NARF: variants seen among roughly 807,000 people sequenced by gnomAD.
NARF encodes nuclear prelamin A recognition factor, also known as iron-only hydrogenase-like protein 2.
In NARF, 41 loss-of-function variants were observed where a neutral mutation model predicts 48.0. The ratio of observed to expected loss-of-function variants is 0.85; its 90% CI spans 0.66 to 1.11. The LOEUF (loss-of-function observed/expected upper bound fraction) is 1.11. Among genes scored for constraint, NARF ranks in the 50% least tolerant of loss-of-function variants. The pLI is 0.00. For synonymous variants in NARF, 215 were observed against 225.5 expected, an observed-to-expected ratio of 0.95 and a Z score of 0.42; for missense variants, 613 against 590.2, an observed-to-expected ratio of 1.04 and a Z score of -0.40.
intron 5 of NARF, among the ~76,000 whole-genome samples, chr17:82,478,306 TGAG>T (rs2043880118): frequency 6.6e-6 from 1 of 152,292 alleles, no homozygotes; most frequent in East Asian, 1.9e-4. Flanking sequence ...TATTACGACT[TGAG>T]GAGTATAGAT....
chr17:82,465,795 T>G (rs1320666819), intron 3 of NARF, among the ~76,000 whole-genome samples: 1 of 152,164 alleles, frequency 6.6e-6, no homozygotes, highest in South Asian at 2.1e-4. Flanking sequence ...TGAACTCCTG[T>G]GCTCAAGCGA....
chr17:82,464,789 C>T (rs1041168772), intron 3 of NARF, among the ~76,000 whole-genome samples: 3 of 152,176 alleles, frequency 2.0e-5, no homozygotes, highest in Non-Finnish European at 2.9e-5. Flanking sequence ...TGCACGTTTT[C>T]GGACACGAGA....
intron 8 of NARF, 129 bp downstream of exon 8, chr17:82,483,908 C>CA: frequency 7.7e-6 from 6 of 778,114 alleles, no homozygotes; most frequent in Non-Finnish European, 1.0e-5. Context: ...TGCAGTCCCC[C>CA]AGGCCCCTGC....
In NARF at chr17:82,464,525, A is replaced by G. The variant is rs1798488189; in HGVS notation, c.252+95A>G. 6.3e-6 allele frequency: 9 copies of G among 1,432,560 alleles called. No homozygotes were observed. In the Admixed American group the frequency reaches 9.7e-5, roughly 15 times the overall value. 88.7% of individuals were successfully genotyped at this position (1,432,560 alleles called of 1,614,324 possible). A position where few individuals can be genotyped will look rare whatever the true frequency, so the allele number is the denominator to read the frequency against. ...CCTGCACAGAAGCCTCTGCTGGGACATCGGATGCACATCTCAGCCTTTTCC... is the reference window on the plus strand; with the variant it reads ...CCTGCACAGAAGCCTCTGCTGGGACGTCGGATGCACATCTCAGCCTTTTCC... On this transcript the variant is annotated intron_variant, in intron 3 of 10. Transcript: ENST00000309794.
intron 4 of NARF, among the ~76,000 whole-genome samples, chr17:82,471,768 C>T (rs11870617): frequency 3.1e-5 from 4 of 127,936 alleles, no homozygotes; most frequent in African/African-American, 1.2e-4. Context: ...GTCCAGCTTG[C>T]GCGAAAGAGT....
At chr17:82,473,501 A>G (rs1246095889) in intron 5 of NARF, among the ~76,000 whole-genome samples, 3 of 151,784 alleles carry the variant, frequency 2.0e-5, no homozygotes, top group Non-Finnish European at 2.9e-5. Context: ...GGCGCCTGCC[A>G]CCACACCCGG....
At chr17:82,461,077 G>C (rs1249878548) in intron 2 of NARF, 1 of 151,900 alleles carries the variant, frequency 6.6e-6, no homozygotes, top group Non-Finnish European at 1.5e-5. Context: ...ACCATGCTCA[G>C]CTAATTTATT....
intron 3 of NARF, among the ~76,000 whole-genome samples, chr17:82,466,493 C>A (rs1301884310): frequency 6.6e-6 from 1 of 152,140 alleles, no homozygotes; most frequent in African/African-American, 2.4e-5. Flanking sequence ...CTCACTGTCT[C>A]TCAGGCTGGG....
intron 4 of NARF, 51 bp downstream of exon 4, chr17:82,468,947 C>A: frequency 6.3e-7 from 1 of 1,599,190 alleles, no homozygotes; most frequent in Non-Finnish European, 8.5e-7. Flanking sequence ...TTTATAAGCG[C>A]CCTTTTTAAT....
At chr17:82,472,498 A>G in intron 4 of NARF, 66 bp from the exon 5 acceptor site, 1 of 1,480,332 alleles carries the variant, frequency 6.8e-7, no homozygotes, top group Admixed American at 2.3e-5. Flanking sequence ...AAAAAAAAAA[A>G]GAGGAAGCCT....
At chr17:82,485,040 T>G in intron 9 of NARF, 90 bp downstream of exon 9, 1 of 1,435,436 alleles carries the variant, frequency 7.0e-7, no homozygotes, top group Non-Finnish European at 9.2e-7. Flanking sequence ...GGCGGTTCTA[T>G]GGATGGAGTT....
intron 5 of NARF, 104 bp downstream of exon 5, chr17:82,472,802 C>G: frequency 7.2e-7 from 1 of 1,392,072 alleles, no homozygotes; most frequent in Non-Finnish European, 9.5e-7. Flanking sequence ...CCCATCCCAC[C>G]CAGCCTTGTA....
Position 82,478,720 on chromosome 17 carries a change from G to T in NARF, c.521-80G>T. On this transcript the variant is annotated intron_variant, in intron 5 of 10. Coordinates refer to ENST00000309794, the MANE Select transcript of NARF (RefSeq NM_012336.4). The stretch of plus-strand genomic sequence containing the variant: ...CTTCACCCTGGGGCGGCAGGGACTC[G>T]AGCTCAGCATTCCCTGGTGCGTTAC... 5.0e-6 allele frequency: 7 copies of T among 1,394,412 alleles called. No individual in the cohort carries two copies. The South Asian group carries it at 8.1e-5, about 16-fold the overall frequency. 86.4% of individuals were successfully genotyped at this position (1,394,412 alleles called of 1,614,324 possible).
intron 3 of NARF, 86 bp downstream of exon 3, chr17:82,464,516 T>G (rs2043514914): frequency 6.8e-7 from 1 of 1,466,938 alleles, no homozygotes; most frequent in South Asian, 1.3e-5. Context: ...CAGAAGCCTC[T>G]GCTGGGACAT....
In NARF at chr17:82,488,071, A is replaced by T; in HGVS notation, c.1285A>T (p.Ile429Phe). ...QELYQEWLEGINSPKAREVLH... is the reference protein window; with the variant it reads ...QELYQEWLEGFNSPKAREVLH... ...GCTGTACCAGGAGTGGCTGGAGGGG[A>T]TCAACTCCCCCAAGGCCCGAGAGGT... Residue 429 changes from isoleucine (I) to phenylalanine (F), a missense_variant, in exon 11 of 11, where the codon ATC (isoleucine) becomes TTC (phenylalanine). By Grantham distance (21) the Ile-to-Phe change is conservative (BLOSUM62 0). Transcript: ENST00000309794. The T allele has an allele frequency of 6.2e-7, 1 of 1,611,560 alleles. No individual in the cohort carries two copies. Among genetic ancestry groups the T allele is most frequent in the Non-Finnish European group, 8.5e-7 (1 of 1,179,282 alleles).
At chr17:82,478,595 T>C (rs1185711389) in intron 5 of NARF, 2 of 657,944 alleles carry the variant, frequency 3.0e-6, no homozygotes, top group Admixed American at 2.1e-5. Context: ...CCCAGTAGCC[T>C]CCAGGCCTGC....
At chr17:82,474,167 T>G (rs1448616487) in intron 5 of NARF, among the ~76,000 whole-genome samples, 1 of 152,176 alleles carries the variant, frequency 6.6e-6, no homozygotes, top group Non-Finnish European at 1.5e-5. Flanking sequence ...GGCGAAAGAC[T>G]GAGGTCCTGT....
chr17:82,481,120 C>T lies in NARF; in HGVS notation c.678C>T (p.Ala226=), dbSNP rs1316651122. 5.6e-6 allele frequency: 9 copies of T among 1,613,948 alleles called. No individual in the cohort carries two copies. The highest frequency in any genetic ancestry group is 5.9e-6 in the Non-Finnish European group (7 of 1,180,016). ...AGAAGATTTTCCACGTCATTGTGGC[C>T]CCTTGTTATGACAAGAAGCTGGAGG... ...SPEKIFHVIV[A]PCYDKKLEAL... Residue 226 remains alanine, a synonymous_variant, in exon 7 of 11, where the codon GCC becomes GCT. Coordinates refer to ENST00000309794, the MANE Select transcript of NARF (RefSeq NM_012336.4).
At position 82,481,147 on chromosome 17, in the gene NARF, T is replaced by C; in HGVS notation, c.705T>C (p.Ala235=). ...VAPCYDKKLE[A]LQESLPPALH... ...CTTGTTATGACAAGAAGCTGGAGGCTCTTCAGGAAAGCCTTCCCCCTGCTT... is the reference window on the plus strand; with the variant it reads ...CTTGTTATGACAAGAAGCTGGAGGCCCTTCAGGAAAGCCTTCCCCCTGCTT... Residue 235 remains alanine (A), a synonymous_variant, in exon 7 of 11, where the codon GCT becomes GCC. Transcript: ENST00000309794. 1 of 1,614,016 alleles carries C rather than the reference T, an allele frequency of 6.2e-7. No homozygotes were observed. Among genetic ancestry groups the C allele is most frequent in the African/African-American group, 1.3e-5 (1 of 74,998 alleles).
Sources: gnomAD v4.1 joint callset for allele counts (sites outside exome capture counted in the v4.1 genomes callset) on GRCh38, gnomAD v4.1.1 for gene constraint, MANE v1.5 for transcripts, NCBI Gene and HGNC (gene_info 2026-07-23, HGNC 2026-07-21) for gene names.